The following TENM3 variants were observed in gnomAD, a reference collection of about 807,000 sequenced individuals.
TENM3 encodes teneurin transmembrane protein 3.
A neutral mutation model predicts 255.1 loss-of-function variants in TENM3; 63 were observed. The observed-to-expected ratio is 0.25, with a 90% CI of 0.20 to 0.30. The LOEUF is 0.30. Ranked by LOEUF, TENM3 falls within the 10% of genes least tolerant of loss-of-function variation. The pLI, the probability that TENM3 is intolerant of heterozygous loss-of-function variation, is 1.00. For synonymous variants in TENM3, 1,306 were observed against 1,322.3 expected, an observed-to-expected ratio of 0.99 and a Z score of 0.27; for missense variants, 2,929 against 3,461.1, an observed-to-expected ratio of 0.85 and a Z score of 3.86.
At chr4:181,630,801 G>A in the TENM3 span, among the ~76,000 whole-genome samples, 3 of 152,196 alleles carry the variant, frequency 2.0e-5, no homozygotes, top group African/African-American at 4.8e-5. Flanking sequence ...GTGCTGAGAA[G>A]AATGTATATT....
chr4:181,577,331 G>A, the TENM3 span, among the ~76,000 whole-genome samples: 4 of 150,250 alleles, frequency 2.7e-5, no homozygotes, highest in East Asian at 3.9e-4. Context: ...GTGAGCCACC[G>A]CACCCGGCCC....
chr4:181,661,211 C>T, the TENM3 span, among the ~76,000 whole-genome samples: 1 of 152,118 alleles, frequency 6.6e-6, no homozygotes. Flanking sequence ...GGCACAATTC[C>T]TTCCTTGATC....
rs34653654 is a variant in TENM3 at position 182,356,716 on chromosome 4, A to T, written c.511+9787A>T. ...TTTTAAATATATTTTTAAAATTATT[A>T]TTTTTTTATTATTATTATACTTTAA... On this transcript the variant is annotated intron_variant, in intron 3 of 27. Transcript: ENST00000511685. Among the ~76,000 whole-genome samples the T allele has an allele frequency of 2.6e-5, 4 of 151,744 alleles. No individual in the cohort carries two copies. The South Asian group carries it at 8.3e-4, about 32-fold the overall frequency.
the TENM3 span, among the ~76,000 whole-genome samples, chr4:181,595,610 G>T: frequency 6.6e-6 from 1 of 151,836 alleles, no homozygotes; most frequent in African/African-American, 2.4e-5. Context: ...TTTTAAGAAG[G>T]TCCCCCAAGT....
the TENM3 span, among the ~76,000 whole-genome samples, chr4:181,809,762 C>T: frequency 2.0e-5 from 3 of 152,106 alleles, no homozygotes; most frequent in African/African-American, 7.2e-5. Flanking sequence ...CCACTGTAAT[C>T]ACAAGGGTCC....
intron 6 of TENM3, among the ~76,000 whole-genome samples, chr4:182,670,598 T>A (rs1423464977): frequency 6.6e-6 from 1 of 152,182 alleles, no homozygotes; most frequent in African/African-American, 2.4e-5. Flanking sequence ...TAGCTGTCCT[T>A]CACAACTGAT....
the TENM3 span, among the ~76,000 whole-genome samples, chr4:181,678,490 C>T: frequency 6.6e-6 from 1 of 152,020 alleles, no homozygotes; most frequent in Non-Finnish European, 1.5e-5. Flanking sequence ...AATCCACAAA[C>T]TTTGAGGATG....
At chr4:181,806,263 G>A in the TENM3 span, among the ~76,000 whole-genome samples, 1 of 152,250 alleles carries the variant, frequency 6.6e-6, no homozygotes, top group South Asian at 2.1e-4. Context: ...AAGGAGCTGC[G>A]TTTACTGTAG....
chr4:182,093,451 C>T, the TENM3 span, among the ~76,000 whole-genome samples: 1 of 152,120 alleles, frequency 6.6e-6, no homozygotes, highest in African/African-American at 2.4e-5. Context: ...AACATGTCCC[C>T]ACACACATCA....
At chr4:181,844,176 T>C in the TENM3 span, among the ~76,000 whole-genome samples, 1 of 152,026 alleles carries the variant, frequency 6.6e-6, no homozygotes, top group Admixed American at 6.6e-5. Flanking sequence ...CATTAACCCA[T>C]TCATGGAGGC....
chr4:182,736,972 C>G lies in TENM3; in HGVS notation c.3132C>G (p.Leu1044=). The G allele has an allele frequency of 1.2e-6, 2 of 1,613,888 alleles. No individual in the cohort carries two copies. The highest frequency in any genetic ancestry group is 1.7e-6 in the Non-Finnish European group (2 of 1,179,812). The change falls in exon 17 of 28, where the codon CTC becomes CTG. Residue 1044 remains leucine (L), a synonymous_variant. Coordinates refer to ENST00000511685, the MANE Select transcript of TENM3 (RefSeq NM_001080477.4). ...TTATGGTAGCTGTAGTAGGAAGACT[C>G]TTCCAAAAGTGGTTTCCTGCCTCAC... is the stretch of plus-strand genomic sequence containing the variant. The part of the protein sequence containing the change: ...VHLMVAVVGR[L]FQKWFPASPN...
chr4:182,468,824 TTGTGTGTGTGTGTGTGTGTGTGTGTG>T (rs66517986), intron 3 of TENM3, among the ~76,000 whole-genome samples: 2 of 143,778 alleles, frequency 1.4e-5, no homozygotes, highest in African/African-American at 2.6e-5. Flanking sequence ...TCCTGTGTGC[TTGTGTGTGTGTGTGTGTGTGTGTGTG>T]TGTGTGTGTG....
the TENM3 span, among the ~76,000 whole-genome samples, chr4:181,464,278 G>A: frequency 6.6e-6 from 1 of 152,132 alleles, no homozygotes; most frequent in Non-Finnish European, 1.5e-5. Context: ...GCAATATACA[G>A]GGGTTCCAAT....
the TENM3 span, among the ~76,000 whole-genome samples, chr4:181,999,098 A>G: frequency 6.6e-6 from 1 of 152,042 alleles, no homozygotes; most frequent in East Asian, 1.9e-4. Context: ...CTTCCCTTTA[A>G]TTCCAGATTT....
At chr4:181,739,300 GT>G in the TENM3 span, among the ~76,000 whole-genome samples, 9 of 152,284 alleles carry the variant, frequency 5.9e-5, no homozygotes, top group South Asian at 1.9e-3. Context: ...CGAAACCAAT[GT>G]TTAAGAATGA....
At chr4:181,792,089 A>G in the TENM3 span, among the ~76,000 whole-genome samples, 1 of 152,194 alleles carries the variant, frequency 6.6e-6, no homozygotes, top group Non-Finnish European at 1.5e-5. Flanking sequence ...ACCCATTCAA[A>G]TAGTATCAAG....
Position 182,736,726 on chromosome 4 carries a change from G to A in TENM3, c.2968-82G>A. The A allele has an allele frequency of 1.0e-5, 13 of 1,280,276 alleles. No individual in the cohort carries two copies. In the South Asian group the frequency reaches 2.0e-4, roughly 20 times the overall value. 79.3% of individuals were successfully genotyped at this position (1,280,276 alleles called of 1,614,324 possible). A position where few individuals can be genotyped will look rare whatever the true frequency, so the allele number is the denominator to read the frequency against. ...CAGAGAGTCACTATTCACAAATATA[G>A]TGAATATGTGCTACATAAATATATT... On this transcript the variant is annotated intron_variant, in intron 16 of 27. Coordinates refer to ENST00000511685, the MANE Select transcript of TENM3 (RefSeq NM_001080477.4).
chr4:181,983,503 CAT>C, the TENM3 span, among the ~76,000 whole-genome samples: 7 of 152,118 alleles, frequency 4.6e-5, no homozygotes, highest in Admixed American at 3.9e-4. Flanking sequence ...GCAACAGAAA[CAT>C]GTGATCATGT....
chr4:182,227,211 A>G (rs1396072955), intron 1 of TENM3, among the ~76,000 whole-genome samples: 1 of 152,180 alleles, frequency 6.6e-6, no homozygotes, highest in Non-Finnish European at 1.5e-5. Flanking sequence ...CAGTGACCTC[A>G]GAGAGTGGAC....
Sources: gnomAD v4.1 joint callset for allele counts (sites outside exome capture counted in the v4.1 genomes callset) on GRCh38, gnomAD v4.1.1 for gene constraint, MANE v1.5 for transcripts, NCBI Gene and HGNC (gene_info 2026-07-23, HGNC 2026-07-21) for gene names.